ATP8B4: variants seen among roughly 807,000 people sequenced by gnomAD.
ATP8B4 encodes probable phospholipid-transporting ATPase IM.
A neutral mutation model predicts 145.6 loss-of-function variants in ATP8B4; 133 were observed. The ratio of observed to expected loss-of-function variants is 0.91; its 90% CI spans 0.79 to 1.05. The LOEUF is 1.05. Among genes scored for constraint, ATP8B4 ranks in the 50% least tolerant of loss-of-function variants. The pLI is 0.00. For synonymous variants in ATP8B4, 507 were observed against 492.9 expected, an observed-to-expected ratio of 1.03 and a Z score of -0.38; for missense variants, 1,458 against 1,425.2, an observed-to-expected ratio of 1.02 and a Z score of -0.37.
At chr15:50,037,864 C>T (rs1258167477) in intron 6 of ATP8B4, among the ~76,000 whole-genome samples, 1 of 152,170 alleles carries the variant, frequency 6.6e-6, no homozygotes, top group Non-Finnish European at 1.5e-5. Context: ...TATTAGAAAT[C>T]AATCAATATT....
At chr15:49,974,467 G>T (rs1226164028) in intron 12 of ATP8B4, among the ~76,000 whole-genome samples, 1 of 150,724 alleles carries the variant, frequency 6.6e-6, no homozygotes, top group Non-Finnish European at 1.5e-5. Context: ...GAGCTCAAGC[G>T]ATCCTCCCAC....
Position 50,097,461 on chromosome 15 carries a change from G to A in ATP8B4, c.28+9478C>T, listed in dbSNP as rs1465084512. On this transcript the variant is annotated intron_variant, in intron 2 of 27. Transcript: ENST00000284509. ...TGACCCCTAGGTCCTATTACGGCCT[G>A]TTAGTTTGTTAAACAGATGTGATAA... 8.5e-5 allele frequency among the ~76,000 whole-genome samples: 13 copies of A among 152,214 alleles called. 1 individual carries two copies. The highest frequency in any genetic ancestry group is 7.9e-4 in the Admixed American group (12 of 15,274).
intron 6 of ATP8B4, among the ~76,000 whole-genome samples, chr15:50,038,219 G>A (rs906838091): frequency 1.3e-5 from 2 of 152,138 alleles, no homozygotes; most frequent in Non-Finnish European, 2.9e-5. Context: ...AAATGCATGT[G>A]TTTTTAAAGC....
intron 25 of ATP8B4, among the ~76,000 whole-genome samples, chr15:49,867,267 T>A (rs1197642895): frequency 6.6e-6 from 1 of 152,214 alleles, no homozygotes; most frequent in Non-Finnish European, 1.5e-5. Flanking sequence ...GTATTTCTAG[T>A]AGTTTGTTGC....
Position 50,041,841 on chromosome 15 carries a change from G to A in ATP8B4, c.300+2753C>T, listed in dbSNP as rs138186339. Among the ~76,000 whole-genome samples, 156 of 152,316 alleles carry A rather than the reference G, an allele frequency of 1.0e-3. 1 individual carries two copies. The highest frequency in any genetic ancestry group is 8.7e-3 in the Admixed American group (133 of 15,302). ...TATAGTCCCAGCTACTCAGGAGGCT[G>A]AGGCAGGAGAATTTCTTGAACCCGG... On this transcript the variant is annotated intron_variant, in intron 5 of 27. Transcript: ENST00000284509.
intron 1 of ATP8B4, among the ~76,000 whole-genome samples, chr15:50,152,467 A>G (rs1464529978): frequency 1.3e-5 from 2 of 152,300 alleles, no homozygotes; most frequent in East Asian, 3.9e-4. Flanking sequence ...AGTATCACTT[A>G]TTGTTTGACA....
chr15:50,147,019 G>T (rs1288760922), intron 1 of ATP8B4, among the ~76,000 whole-genome samples: 2 of 151,988 alleles, frequency 1.3e-5, no homozygotes, highest in South Asian at 2.1e-4. Context: ...TGGGAGGGTT[G>T]TTTTTTGTTT....
chr15:50,077,895 G>A (rs984727323), intron 2 of ATP8B4, among the ~76,000 whole-genome samples: 1 of 152,092 alleles, frequency 6.6e-6, no homozygotes, highest in Non-Finnish European at 1.5e-5. Context: ...CAGACTGCCT[G>A]ACTAACACAC....
intron 1 of ATP8B4, among the ~76,000 whole-genome samples, chr15:50,172,474 G>T (rs990644027): frequency 3.3e-5 from 5 of 152,246 alleles, no homozygotes; most frequent in African/African-American, 9.6e-5. Context: ...AGTGCAGCCG[G>T]CGTGATCTCG....
intron 1 of ATP8B4, among the ~76,000 whole-genome samples, chr15:50,143,989 T>A (rs1216775515): frequency 6.6e-6 from 1 of 152,162 alleles, no homozygotes; most frequent in Non-Finnish European, 1.5e-5. Context: ...TCATAAAACA[T>A]TAGAATGGAA....
rs2041529833 is a variant in ATP8B4 at position 49,934,176 on chromosome 15, C to CT, written c.1293dup (p.Glu432ArgfsTer13). On this transcript the variant is annotated frameshift_variant, in exon 15 of 28. Transcript: ENST00000284509. LOFTEE classifies it high-confidence loss of function. Reference sequence around the variant, plus strand: ...GATTTGACTGAGAAATCCACAGGCTCTTTTTCCTGTAGGAGAACAACAACA... The same window carrying CT: ...GATTTGACTGAGAAATCCACAGGCTCTTTTTTCCTGTAGGAGAACAACAACA... The CT allele has an allele frequency of 6.2e-7, 1 of 1,607,248 alleles. No homozygotes were observed.
intron 1 of ATP8B4, among the ~76,000 whole-genome samples, chr15:50,141,581 C>T (rs1441344442): frequency 2.0e-5 from 3 of 152,194 alleles, no homozygotes; most frequent in East Asian, 1.9e-4. Flanking sequence ...AAAAAGCTCA[C>T]GATCTTCCAT....
At chr15:49,898,462 T>C (rs1187289408) in intron 21 of ATP8B4, among the ~76,000 whole-genome samples, 2 of 152,152 alleles carry the variant, frequency 1.3e-5, no homozygotes, top group East Asian at 3.9e-4. Context: ...AAAATACTAC[T>C]AAGGAATTTT....
In ATP8B4 at chr15:49,882,953, G is replaced by C. The variant is rs565590945; in HGVS notation, c.2698-3494C>G. On this transcript the variant is annotated intron_variant, in intron 23 of 27. Coordinates refer to ENST00000284509, the MANE Select transcript of ATP8B4 (RefSeq NM_024837.4). Reference sequence around the variant, plus strand: ...GATAAAAAATTTAAAAATTAAACACGTGACCTTCTTTTATAGTTATAGCCC... The same window carrying C: ...GATAAAAAATTTAAAAATTAAACACCTGACCTTCTTTTATAGTTATAGCCC... Among the ~76,000 whole-genome samples the C allele has an allele frequency of 3.9e-5, 6 of 152,174 alleles. No homozygotes were observed. In the South Asian group the frequency reaches 1.0e-3, roughly 26 times the overall value.
At chr15:50,002,807 G>T (rs1323156138) in intron 7 of ATP8B4, among the ~76,000 whole-genome samples, 1 of 152,116 alleles carries the variant, frequency 6.6e-6, no homozygotes, top group Non-Finnish European at 1.5e-5. Flanking sequence ...CAAGACAGAA[G>T]AGAAAATGTA....
chr15:49,921,570 A>G (rs1433967822), intron 17 of ATP8B4, among the ~76,000 whole-genome samples: 1 of 152,158 alleles, frequency 6.6e-6, no homozygotes, highest in Non-Finnish European at 1.5e-5. Context: ...GGGCCTCTAC[A>G]CTGCAAGTAA....
At chr15:50,055,866 G>A (rs536212803) in intron 3 of ATP8B4, among the ~76,000 whole-genome samples, 6 of 152,192 alleles carry the variant, frequency 3.9e-5, no homozygotes, top group African/African-American at 7.2e-5. Context: ...GAACCCAAAA[G>A]AATGCATGTA....
At chr15:49,945,806 T>C (rs978346665) in intron 14 of ATP8B4, among the ~76,000 whole-genome samples, 1 of 152,108 alleles carries the variant, frequency 6.6e-6, no homozygotes, top group Non-Finnish European at 1.5e-5. Flanking sequence ...ATTCATGATT[T>C]AAAAAGAAAC....
At chr15:49,942,840 A>G (rs1450514725) in intron 14 of ATP8B4, among the ~76,000 whole-genome samples, 1 of 152,044 alleles carries the variant, frequency 6.6e-6, no homozygotes, top group African/African-American at 2.4e-5. Context: ...AATAAAAAAT[A>G]AAATAAAAAG....
Sources: gnomAD v4.1 joint callset for allele counts (sites outside exome capture counted in the v4.1 genomes callset) on GRCh38, gnomAD v4.1.1 for gene constraint, MANE v1.5 for transcripts, NCBI Gene and HGNC (gene_info 2026-07-23, HGNC 2026-07-21) for gene names.